The following CPLANE1 variants were observed in gnomAD, a reference collection of about 807,000 sequenced individuals.
CPLANE1 encodes the protein ciliogenesis and planar polarity effector complex subunit 1, also known as ciliogenesis and planar polarity effector 1.
Under a neutral mutation model 362.5 loss-of-function variants are expected in CPLANE1, and 263 were observed. The ratio of observed to expected loss-of-function variants is 0.73; its 90% CI spans 0.66 to 0.80. The LOEUF is 0.80. Ranked by LOEUF, CPLANE1 falls within the 30% of genes least tolerant of loss-of-function variation. CPLANE1 has a pLI of 0.00. For synonymous variants in CPLANE1, 1,212 were observed against 1,302.6 expected (o/e 0.93, Z 1.50); for missense variants, 3,461 against 3,793.4 (o/e 0.91, Z 2.30).
At chr5:37,088,239 A>T in the CPLANE1 span, among the ~76,000 whole-genome samples, 2 of 152,220 alleles carry the variant, frequency 1.3e-5, no homozygotes, top group Non-Finnish European at 2.9e-5. Context: ...AGCTGCTGAT[A>T]TCTTATCGTT....
At chr5:37,122,111 A>G (rs1259842417) in intron 48 of CPLANE1, among the ~76,000 whole-genome samples, 1 of 152,154 alleles carries the variant, frequency 6.6e-6, no homozygotes, top group Admixed American at 6.6e-5. Context: ...ATTTCTGAAA[A>G]TGATTAGGCA....
chr5:37,192,689 C>A (rs1179063175), intron 21 of CPLANE1, among the ~76,000 whole-genome samples: 1 of 150,564 alleles, frequency 6.6e-6, no homozygotes, highest in Non-Finnish European at 1.5e-5. Flanking sequence ...ACGGTGAAAC[C>A]CCGTCTCTAC....
chr5:37,227,167 C>A, intron 11 of CPLANE1, 76 bp downstream of exon 11: 1 of 1,512,384 alleles, frequency 6.6e-7, no homozygotes, highest in South Asian at 1.3e-5. Flanking sequence ...TTCCCTTTAA[C>A]AAGAGAAAAA....
chr5:37,180,170 C>A lies in CPLANE1; in HGVS notation c.5584G>T (p.Glu1862Ter). Residue 1862 changes from glutamate to a stop codon, truncating the protein, a stop_gained, in exon 28 of 53, where the codon GAA becomes TAA. Coordinates refer to ENST00000651892, the MANE Select transcript of CPLANE1 (RefSeq NM_001384732.1). LOFTEE classifies it high-confidence loss of function. ...TCTTTTATATCAGGATTTTTTGCTT[C>A]AGTTGGCATTCTACTGAAAAAAATG... ...CQNILNRMPTEAKNPDIKEIN... is the reference protein window; with the variant it reads ...CQNILNRMPT The A allele has an allele frequency of 6.7e-7, 1 of 1,497,396 alleles. No homozygotes were observed. The highest frequency in any genetic ancestry group is 8.9e-7 in the Non-Finnish European group (1 of 1,122,102). The allele number at this position is 1,497,396 out of a possible 1,614,324, so 92.8% of individuals were successfully genotyped here. A position where few individuals can be genotyped will look rare whatever the true frequency, so the allele number is the denominator to read the frequency against.
chr5:37,140,350 G>T, intron 44 of CPLANE1: 2 of 980,190 alleles, frequency 2.0e-6, no homozygotes, highest in Non-Finnish European at 2.4e-6. Flanking sequence ...AAAACATATT[G>T]TTCTATTTAA....
intron 5 of CPLANE1, among the ~76,000 whole-genome samples, chr5:37,243,489 G>A (rs1038707749): frequency 6.6e-6 from 1 of 151,594 alleles, no homozygotes; most frequent in Non-Finnish European, 1.5e-5. Flanking sequence ...TAACAAGAGT[G>A]GTTTGGATAA....
intron 42 of CPLANE1, among the ~76,000 whole-genome samples, chr5:37,149,056 T>C (rs1264322696): frequency 6.6e-6 from 1 of 152,050 alleles, no homozygotes; most frequent in Non-Finnish European, 1.5e-5. Context: ...ATCTCAAAAC[T>C]AAATTAAATA....
intron 8 of CPLANE1, among the ~76,000 whole-genome samples, chr5:37,233,673 C>T (rs1048749008): frequency 1.4e-4 from 22 of 152,048 alleles, no homozygotes; most frequent in Non-Finnish European, 3.1e-4. Flanking sequence ...CTGCCATCGC[C>T]CACACCATAC....
intron 9 of CPLANE1, among the ~76,000 whole-genome samples, chr5:37,230,296 T>C (rs951559141): frequency 1.3e-5 from 2 of 151,414 alleles, no homozygotes; most frequent in African/African-American, 4.8e-5. Flanking sequence ...AATCTTGATC[T>C]GACTCCAAAG....
At chr5:37,085,312 T>G in the CPLANE1 span, 1 of 1,167,828 alleles carries the variant, frequency 8.6e-7, no homozygotes, top group South Asian at 1.2e-5. Flanking sequence ...GCTGGATTCA[T>G]GGATGTCATC....
rs1430401052 is a variant in CPLANE1 at position 37,182,925 on chromosome 5, C to T, written c.5256G>A (p.Arg1752=). Residue 1752 remains arginine (R), a synonymous_variant, in exon 26 of 53, where the codon AGG becomes AGA. Transcript: ENST00000651892. The stretch of plus-strand genomic sequence containing the variant: ...CACAGAGTAGCCTTCTATTAGACCA[C>T]CTTATCATCCATTCCAGCAGTCTTC... The part of the protein sequence containing the change: ...SIGRLLEWMI[R]WSNRRLLCDS... The T allele has an allele frequency of 2.5e-6, 4 of 1,604,916 alleles. No individual in the cohort carries two copies. The highest frequency in any genetic ancestry group is 2.7e-5 in the African/African-American group (2 of 74,510).
intron 39 of CPLANE1, 142 bp from the exon 40 acceptor site, chr5:37,158,010 C>G (rs1361285648): frequency 1.3e-6 from 1 of 762,062 alleles, no homozygotes; most frequent in Non-Finnish European, 2.0e-6. Flanking sequence ...CCTGAATGTG[C>G]CTAACTTAGG....
At chr5:37,141,881 C>A in intron 44 of CPLANE1, 1 of 752,208 alleles carries the variant, frequency 1.3e-6, no homozygotes, top group African/African-American at 1.9e-5. Flanking sequence ...ATAGTGTCTA[C>A]ACCTCATAGA....
chr5:37,097,305 T>G, the CPLANE1 span, among the ~76,000 whole-genome samples: 1 of 151,088 alleles, frequency 6.6e-6, no homozygotes, highest in African/African-American at 2.5e-5. Flanking sequence ...CAAACAACAA[T>G]AACAAAAAAC....
At chr5:37,249,001 C>A (rs1162034020) in intron 1 of CPLANE1, among the ~76,000 whole-genome samples, 3 of 152,238 alleles carry the variant, frequency 2.0e-5, no homozygotes, top group African/African-American at 7.2e-5. Flanking sequence ...ACCCCGGCCC[C>A]TTGGGGCTCC....
At chr5:37,205,140 G>C (rs1325618798) in intron 18 of CPLANE1, 175 bp downstream of exon 18, 2 of 393,214 alleles carry the variant, frequency 5.1e-6, no homozygotes, top group South Asian at 1.0e-4. Context: ...CTGGGTGGCA[G>C]AGTAACACTC....
At chr5:37,171,778 C>A (rs867095192) in intron 32 of CPLANE1, among the ~76,000 whole-genome samples, 10 of 148,888 alleles carry the variant, frequency 6.7e-5, no homozygotes, top group African/African-American at 1.8e-4. Flanking sequence ...CTCTCTCTCT[C>A]TCTCTCTATC....
At chr5:37,085,032 C>T in the CPLANE1 span, 174 of 642,760 alleles carry the variant, frequency 2.7e-4, 2 homozygotes, top group South Asian at 2.1e-3. Flanking sequence ...GAAGAGAGGT[C>T]GTCTTTCCTT....
intron 50 of CPLANE1, among the ~76,000 whole-genome samples, chr5:37,119,162 A>G (rs1761911693): frequency 6.6e-6 from 1 of 152,246 alleles, no homozygotes; most frequent in African/African-American, 2.4e-5. Flanking sequence ...AATAATGGAC[A>G]TATCTTGAAA....
Sources: gnomAD v4.1 joint callset for allele counts (sites outside exome capture counted in the v4.1 genomes callset) on GRCh38, gnomAD v4.1.1 for gene constraint, MANE v1.5 for transcripts, NCBI Gene and HGNC (gene_info 2026-07-23, HGNC 2026-07-21) for gene names.